The following TCF12 variants were observed in gnomAD, a reference collection of about 807,000 sequenced individuals.
The protein encoded by TCF12 is transcription factor 12, also known as DNA-binding protein HTF4.
A neutral mutation model predicts 86.0 loss-of-function variants in TCF12; 45 were observed. The ratio of observed to expected loss-of-function variants is 0.52; its 90% CI spans 0.41 to 0.67. The LOEUF (loss-of-function observed/expected upper bound fraction) is 0.67, where lower values mean the gene tolerates loss of function less well. TCF12 is among the 30% of genes least tolerant of loss of function. TCF12 has a pLI of 0.00. For synonymous variants in TCF12, 330 were observed against 299.6 expected (o/e 1.10, Z -1.05); for missense variants, 881 against 859.9 (o/e 1.02, Z -0.31).
At chr15:56,930,595 A>G (rs1567120088) in intron 3 of TCF12, among the ~76,000 whole-genome samples, 1 of 152,230 alleles carries the variant, frequency 6.6e-6, no homozygotes, top group Non-Finnish European at 1.5e-5. Flanking sequence ...ATCTCTTGAT[A>G]GGAACATATA....
intron 9 of TCF12, 33 bp from the exon 10 acceptor site, chr15:57,232,258 A>G (rs376521991): frequency 1.9e-6 from 3 of 1,610,814 alleles, no homozygotes; most frequent in African/African-American, 2.7e-5. Context: ...ATTTTTAGCT[A>G]AGGAAAATTT....
chr15:57,254,847 G>A (rs1220532420), intron 16 of TCF12, among the ~76,000 whole-genome samples: 2 of 114,394 alleles, frequency 1.7e-5, no homozygotes, highest in African/African-American at 3.3e-5. Flanking sequence ...CATAGAGCAT[G>A]ACCCTGTCTC....
At chr15:57,085,857 G>A (rs1396810647) in intron 4 of TCF12, among the ~76,000 whole-genome samples, 1 of 152,028 alleles carries the variant, frequency 6.6e-6, no homozygotes, top group Non-Finnish European at 1.5e-5. Context: ...TGCCCACTTA[G>A]AGGGTGTAAG....
intron 12 of TCF12, 35 bp from the exon 13 acceptor site, chr15:57,243,437 T>C (rs1488285658): frequency 1.4e-5 from 22 of 1,558,628 alleles, no homozygotes; most frequent in East Asian, 2.2e-5. Flanking sequence ...TGTTGTCACA[T>C]GTTGATACAT....
At chr15:57,068,119 C>T (rs992084204) in intron 4 of TCF12, among the ~76,000 whole-genome samples, 6 of 152,108 alleles carry the variant, frequency 3.9e-5, no homozygotes, top group Non-Finnish European at 8.8e-5. Context: ...AATCGTAACT[C>T]TGCCACTTAC....
intron 4 of TCF12, among the ~76,000 whole-genome samples, chr15:57,075,804 T>TTCTTTCTGTCTC (rs1461514777): frequency 3.5e-5 from 1 of 28,590 alleles, no homozygotes; most frequent in African/African-American, 1.4e-4. Flanking sequence ...CTTTCTTTCT[T>TTCTTTCTGTCTC]TCTCTCTCTC....
chr15:57,064,376 C>G (rs2068690320), intron 4 of TCF12, among the ~76,000 whole-genome samples: 1 of 151,950 alleles, frequency 6.6e-6, no homozygotes, highest in Non-Finnish European at 1.5e-5. Flanking sequence ...AAAACAAAAA[C>G]AAAAACAAAA....
rs549320893 is a variant in TCF12 at position 57,053,107 on chromosome 15, C to T, written c.149-10643C>T. 2.6e-5 allele frequency among the ~76,000 whole-genome samples: 4 copies of T among 152,312 alleles called. No individual in the cohort carries two copies. The South Asian group carries it at 8.3e-4, about 32-fold the overall frequency. The stretch of plus-strand genomic sequence containing the variant: ...ATGTACGGGGGCTCTAGTTTCTCTA[C>T]ATCCTCATCAACACTTGTTTTCTTG... On this transcript the variant is annotated intron_variant, in intron 3 of 20. Coordinates refer to ENST00000333725, the MANE Select transcript of TCF12 (RefSeq NM_207037.2).
At chr15:57,219,470 T>C in intron 8 of TCF12, 2 of 1,590,162 alleles carry the variant, frequency 1.3e-6, no homozygotes, top group Non-Finnish European at 1.7e-6. Context: ...ATATATGTCT[T>C]GGAGAGAGGC....
chr15:57,211,980 CACACACACACACACACACA>C (rs1198008407), intron 8 of TCF12, among the ~76,000 whole-genome samples: 2 of 738 alleles, frequency 2.7e-3, no homozygotes, highest in African/African-American at 9.7e-3. Context: ...ACACACACAC[CACACACACACACACACACA>C]CACACACACT....
At chr15:56,929,573 G>T (rs529986000) in intron 3 of TCF12, among the ~76,000 whole-genome samples, 77 of 152,112 alleles carry the variant, frequency 5.1e-4, no homozygotes, top group African/African-American at 1.8e-3. Context: ...AGTCATCCAA[G>T]CTACTGTAAG....
intron 4 of TCF12, among the ~76,000 whole-genome samples, chr15:57,075,856 T>TTTCTTTCTTTCTTTCTTTCTTTCC: frequency 7.5e-6 from 1 of 133,340 alleles, no homozygotes; most frequent in Non-Finnish European, 1.6e-5. Context: ...TCTTTCTTTC[T>TTTCTTTCTTTCTTTCTTTCTTTCC]TTCTTTCCAT....
At chr15:57,108,704 A>T (rs1294364349) in intron 5 of TCF12, among the ~76,000 whole-genome samples, 5 of 152,004 alleles carry the variant, frequency 3.3e-5, no homozygotes, top group Admixed American at 3.3e-4. Context: ...GGTTCTTGGA[A>T]ATGGAGTTGA....
intron 3 of TCF12, among the ~76,000 whole-genome samples, chr15:57,059,681 TACTC>T (rs1776733760): frequency 7.5e-6 from 1 of 133,926 alleles, no homozygotes; most frequent in Non-Finnish European, 1.6e-5. Context: ...ATGGTTTACT[TACTC>T]AAACTCTGCA....
At chr15:57,225,422 T>A (rs1566943884) in intron 8 of TCF12, among the ~76,000 whole-genome samples, 1 of 151,712 alleles carries the variant, frequency 6.6e-6, no homozygotes, top group Non-Finnish European at 1.5e-5. Flanking sequence ...TTTATTATTA[T>A]TTTTAGTAGA....
intron 3 of TCF12, among the ~76,000 whole-genome samples, chr15:56,974,994 C>T (rs1333897150): frequency 1.1e-4 from 17 of 152,028 alleles, no homozygotes; most frequent in African/African-American, 3.9e-4. Flanking sequence ...TCTTGAGTTT[C>T]GAATAGTGGA....
intron 5 of TCF12, among the ~76,000 whole-genome samples, chr15:57,160,327 G>A (rs2054409338): frequency 6.6e-6 from 1 of 152,108 alleles, no homozygotes; most frequent in Admixed American, 6.5e-5. Flanking sequence ...AGAGCAAAGG[G>A]GGGAAAAGTC....
At position 57,288,435 on chromosome 15, in the gene TCF12, T is replaced by A. The variant is rs2062002105; in HGVS notation, c.*2290T>A. On this transcript the variant is annotated 3_prime_UTR_variant, in exon 21 of 21. Transcript: ENST00000333725. Reference sequence around the variant, plus strand: ...CCAGCAGCAAGAAGTTCAAATTTTTTTCTGTCACTGTAACAGAAAACACAA... The same window carrying A: ...CCAGCAGCAAGAAGTTCAAATTTTTATCTGTCACTGTAACAGAAAACACAA... The A allele has an allele frequency of 6.5e-6, 1 of 152,682 alleles. No homozygotes were observed. The highest frequency in any genetic ancestry group is 6.5e-5 in the Admixed American group (1 of 15,282). 9.5% of individuals were successfully genotyped at this position (152,682 alleles called of 1,614,324 possible).
At chr15:57,176,914 A>G (rs568338713) in intron 6 of TCF12, among the ~76,000 whole-genome samples, 66 of 152,268 alleles carry the variant, frequency 4.3e-4, no homozygotes, top group African/African-American at 1.5e-3. Context: ...AGGGCTAACA[A>G]TCTAGTCCTC....
Sources: allele counts gnomAD v4.1 joint callset (sites outside exome capture counted in the v4.1 genomes callset), GRCh38; gene constraint gnomAD v4.1.1; transcripts MANE v1.5; gene names NCBI Gene and HGNC (gene_info 2026-07-23, HGNC 2026-07-21).